The following LRP1B variants were observed in gnomAD, a reference collection of about 807,000 sequenced individuals.
LRP1B encodes the protein LDL receptor related protein 1B.
LRP1B carries 217 observed loss-of-function variants against 556.6 expected under a neutral mutation model. The observed-to-expected ratio is 0.39, with a 90% CI of 0.35 to 0.44. The LOEUF (loss-of-function observed/expected upper bound fraction) is 0.44. Ranked by LOEUF, LRP1B falls within the 20% of genes least tolerant of loss-of-function variation. The pLI is 1.00. For synonymous variants in LRP1B, 2,047 were observed against 1,865.8 expected (o/e 1.10, Z -2.50); for missense variants, 5,053 against 5,620.8 (o/e 0.90, Z 3.23).
intron 1 of LRP1B, among the ~76,000 whole-genome samples, chr2:141,828,084 T>C (rs1404764714): frequency 6.6e-6 from 1 of 152,146 alleles, no homozygotes; most frequent in East Asian, 1.9e-4. Context: ...ATTTGACACT[T>C]TGAAATTTCC....
chr2:140,582,388 T>C (rs1252275365), intron 43 of LRP1B, among the ~76,000 whole-genome samples: 1 of 152,194 alleles, frequency 6.6e-6, no homozygotes, highest in African/African-American at 2.4e-5. Flanking sequence ...GATATGTCAT[T>C]GACAAATGTG....
chr2:141,722,863 G>A (rs1692885483), intron 2 of LRP1B, among the ~76,000 whole-genome samples: 1 of 152,006 alleles, frequency 6.6e-6, no homozygotes, highest in East Asian at 1.9e-4. Context: ...TACATCATGG[G>A]CTTATTCATC....
rs554121390 is a variant in LRP1B, at chr2:140,501,625, T to C, written c.8850+62A>G. ...ACTTTTTCATCTATATTGGATTAAA[T>C]AGCTTTCTTAACCTCCAATTCTAAT... On this transcript the variant is annotated intron_variant, in intron 55 of 90. Coordinates refer to ENST00000389484, the MANE Select transcript of LRP1B (RefSeq NM_018557.3). 35 of 1,244,706 alleles carry C rather than the reference T, an allele frequency of 2.8e-5. 1 individual carries two copies. The South Asian group carries it at 6.2e-4, about 22-fold the overall frequency. The allele number at this position is 1,244,706 out of a possible 1,614,324, so 77.1% of individuals were successfully genotyped here.
At chr2:141,339,190 T>G in intron 3 of LRP1B, among the ~76,000 whole-genome samples, 1 of 144,788 alleles carries the variant, frequency 6.9e-6, no homozygotes. Flanking sequence ...GATATTGTTT[T>G]ACTCTACATT....
chr2:140,793,553 A>C (rs1690196156), intron 32 of LRP1B, among the ~76,000 whole-genome samples: 1 of 152,138 alleles, frequency 6.6e-6, no homozygotes, highest in Admixed American at 6.5e-5. Flanking sequence ...ATGTGGGTGT[A>C]AATATAAATA....
chr2:141,506,747 A>T (rs4482418), intron 2 of LRP1B, among the ~76,000 whole-genome samples: 147,819 of 151,746 alleles, frequency 0.97, 72,107 homozygotes, highest in East Asian at 1. Flanking sequence ...GAAAAAAAAA[A>T]TTTACTTCTC....
intron 3 of LRP1B, among the ~76,000 whole-genome samples, chr2:141,422,737 CATCT>C (rs1318124178): frequency 6.6e-6 from 1 of 152,124 alleles, no homozygotes. Context: ...CCTGACTCTC[CATCT>C]GTCTCTTTTT....
At chr2:141,584,557 G>A (rs1397593108) in intron 2 of LRP1B, among the ~76,000 whole-genome samples, 2 of 150,482 alleles carry the variant, frequency 1.3e-5, no homozygotes, top group Non-Finnish European at 3.0e-5. Context: ...TTTATGATAT[G>A]TATATATTTT....
chr2:140,864,459 G>T (rs1405306520), intron 27 of LRP1B, among the ~76,000 whole-genome samples: 1 of 151,956 alleles, frequency 6.6e-6, no homozygotes, highest in Non-Finnish European at 1.5e-5. Flanking sequence ...AATTGTTCCT[G>T]CAAGTCTTTG....
At chr2:141,296,942 G>A (rs1221271454) in intron 3 of LRP1B, among the ~76,000 whole-genome samples, 1 of 152,090 alleles carries the variant, frequency 6.6e-6, no homozygotes, top group Non-Finnish European at 1.5e-5. Flanking sequence ...CCACTTATAG[G>A]TGAGAACATG....
intron 21 of LRP1B, among the ~76,000 whole-genome samples, chr2:140,914,614 G>A (rs757909625): frequency 1.3e-5 from 2 of 151,862 alleles, no homozygotes; most frequent in Non-Finnish European, 2.9e-5. Flanking sequence ...ATGAGAAGGA[G>A]CAAAAAAATT....
At chr2:141,144,562 A>G (rs930048751) in intron 7 of LRP1B, among the ~76,000 whole-genome samples, 2 of 152,160 alleles carry the variant, frequency 1.3e-5, no homozygotes, top group African/African-American at 2.4e-5. Flanking sequence ...AAAATCTACT[A>G]CTTCTCATAT....
At chr2:141,408,301 C>T (rs13419846) in intron 3 of LRP1B, among the ~76,000 whole-genome samples, 4,016 of 151,996 alleles carry the variant, frequency 0.026, 178 homozygotes, top group African/African-American at 0.092. Context: ...CGCCACCACG[C>T]GCAGCTAATT....
At chr2:140,793,843 A>G (rs1690206616) in intron 32 of LRP1B, among the ~76,000 whole-genome samples, 1 of 152,110 alleles carries the variant, frequency 6.6e-6, no homozygotes, top group African/African-American at 2.4e-5. Flanking sequence ...AAATGAAAAA[A>G]AAATGTAGTT....
chr2:141,583,827 C>T (rs559422208), intron 2 of LRP1B, among the ~76,000 whole-genome samples: 6 of 151,906 alleles, frequency 3.9e-5, no homozygotes, highest in African/African-American at 9.7e-5. Context: ...GCAACTTCTG[C>T]CCCCCAGGTT....
intron 14 of LRP1B, among the ~76,000 whole-genome samples, chr2:141,012,096 G>A (rs1418168133): frequency 6.6e-6 from 1 of 151,924 alleles, no homozygotes; most frequent in Non-Finnish European, 1.5e-5. Flanking sequence ...TTCATGATGA[G>A]TCCAAAGTTT....
At chr2:140,286,836 A>C (rs1186110058) in intron 84 of LRP1B, among the ~76,000 whole-genome samples, 1 of 151,844 alleles carries the variant, frequency 6.6e-6, no homozygotes, top group Non-Finnish European at 1.5e-5. Context: ...TTAAAATGAA[A>C]ATTATAAAAA....
intron 66 of LRP1B, among the ~76,000 whole-genome samples, chr2:140,405,477 A>G (rs1684690132): frequency 6.6e-6 from 1 of 152,206 alleles, no homozygotes; most frequent in African/African-American, 2.4e-5. Context: ...ATTAACCAAG[A>G]AAAGAAGAGA....
chr2:141,937,897 T>C (rs1233451436), intron 1 of LRP1B, among the ~76,000 whole-genome samples: 2 of 152,190 alleles, frequency 1.3e-5, no homozygotes, highest in East Asian at 3.9e-4. Context: ...CCAGTTTCAT[T>C]CTTTTGCCTG....
Sources: allele counts gnomAD v4.1 joint callset (sites outside exome capture counted in the v4.1 genomes callset), GRCh38; gene constraint gnomAD v4.1.1; transcripts MANE v1.5; gene names NCBI Gene and HGNC (gene_info 2026-07-23, HGNC 2026-07-21).